The following FBXL2 variants were observed in gnomAD, a reference collection of about 807,000 sequenced individuals.
FBXL2 encodes the protein F-box/LRR-repeat protein 2.
A neutral mutation model predicts 69.2 loss-of-function variants in FBXL2; 38 were observed. The ratio of observed to expected loss-of-function variants is 0.55; its 90% confidence interval spans 0.42 to 0.72. The LOEUF is 0.72. Ranked by LOEUF, FBXL2 falls within the 30% of genes least tolerant of loss-of-function variation. The pLI, the probability that FBXL2 is intolerant of heterozygous loss-of-function variation, is 0.00. For missense variants in FBXL2, 354 were observed against 520.3 expected, an observed-to-expected ratio of 0.68 and a Z score of 3.11; for synonymous variants, 192 against 201.3, an observed-to-expected ratio of 0.95 and a Z score of 0.39.
chr3:33,308,361 T>C (rs912898119), intron 2 of FBXL2, among the ~76,000 whole-genome samples: 1 of 152,206 alleles, frequency 6.6e-6, no homozygotes, highest in African/African-American at 2.4e-5. Context: ...GACTGGTTAT[T>C]ATTTCTAGGC....
intron 2 of FBXL2, among the ~76,000 whole-genome samples, chr3:33,351,238 CT>C (rs2040809873): frequency 1.3e-5 from 2 of 152,064 alleles, no homozygotes; most frequent in Non-Finnish European, 2.9e-5. Context: ...GCACTCCAGC[CT>C]GGGTAACAGA....
the FBXL2 span, among the ~76,000 whole-genome samples, chr3:33,421,430 G>T: frequency 6.6e-6 from 1 of 152,088 alleles, no homozygotes; most frequent in African/African-American, 2.4e-5. Flanking sequence ...GCGCCACCAT[G>T]CTCAGCTACT....
intron 12 of FBXL2, among the ~76,000 whole-genome samples, chr3:33,395,731 A>G (rs2043954301): frequency 7.2e-6 from 1 of 139,472 alleles, no homozygotes. Context: ...AGTTCTCCCC[A>G]TACCTAGTCA....
chr3:33,381,815 G>A (rs2043085390), intron 13 of FBXL2, among the ~76,000 whole-genome samples: 1 of 152,010 alleles, frequency 6.6e-6, no homozygotes, highest in Non-Finnish European at 1.5e-5. Context: ...AAAAACCAAT[G>A]AACAGCATTG....
In FBXL2 at chr3:33,377,250, C is replaced by T. The variant is rs201270115; in HGVS notation, c.789-23C>T. The T allele has an allele frequency of 6.0e-5, 96 of 1,610,916 alleles. No homozygotes were observed. The African/African-American group carries it at 1.1e-3, about 18-fold the overall frequency. On this transcript the variant is annotated intron_variant, in intron 10 of 14. Transcript: ENST00000484457. Reference sequence around the variant, plus strand: ...ATTAACTAGTTGGTACCGTTTTCTCCCCTGTACCCACTTTCTCCTCAGAAT... The same window carrying T: ...ATTAACTAGTTGGTACCGTTTTCTCTCCTGTACCCACTTTCTCCTCAGAAT...
intron 2 of FBXL2, among the ~76,000 whole-genome samples, chr3:33,341,942 T>G (rs1449013310): frequency 6.6e-6 from 1 of 151,644 alleles, no homozygotes; most frequent in Non-Finnish European, 1.5e-5. Context: ...ATGTTTGCCT[T>G]ATAAGTCATT....
chr3:33,342,801 C>T (rs1349298312), intron 2 of FBXL2, among the ~76,000 whole-genome samples: 1 of 127,398 alleles, frequency 7.8e-6, no homozygotes, highest in African/African-American at 2.9e-5. Flanking sequence ...TCTCGGCTCA[C>T]TGCAAGCTCC....
chr3:33,333,810 G>A (rs571425523), intron 2 of FBXL2, among the ~76,000 whole-genome samples: 7 of 152,134 alleles, frequency 4.6e-5, no homozygotes, highest in Non-Finnish European at 1.0e-4. Context: ...AAATCGTCTA[G>A]TTCTTCACAT....
chr3:33,360,222 T>G lies in FBXL2; in HGVS notation c.195+865T>G, dbSNP rs934729139. On this transcript the variant is annotated intron_variant, in intron 4 of 14. Coordinates refer to ENST00000484457, the MANE Select transcript of FBXL2 (RefSeq NM_012157.5). ...TACCAAGATGTATATATTGGTTTTT[T>G]TTTGTTTGTTTTGGATAAGGAAATG... Among the ~76,000 whole-genome samples, 4 of 152,200 alleles carry G rather than the reference T, an allele frequency of 2.6e-5. No individual in the cohort carries two copies. In the East Asian group the frequency reaches 7.7e-4, roughly 29 times the overall value.
At chr3:33,385,367 TA>T in intron 14 of FBXL2, 133 bp from the exon 15 acceptor site, 1 of 829,646 alleles carries the variant, frequency 1.2e-6, no homozygotes, top group Admixed American at 1.8e-5. Flanking sequence ...GGAGTAGCTC[TA>T]ATCTATAGCA....
chr3:33,289,530 CAA>C (rs1018865210), intron 1 of FBXL2: 22 of 151,176 alleles, frequency 1.5e-4, no homozygotes, highest in Admixed American at 1.3e-4. Flanking sequence ...TGAGCCTTCT[CAA>C]GAGAAAAAAA....
chr3:33,378,579 GT>G, intron 12 of FBXL2, 105 bp from the exon 13 acceptor site: 1 of 1,200,772 alleles, frequency 8.3e-7, no homozygotes, highest in Non-Finnish European at 1.2e-6. Flanking sequence ...TTTGAGATGA[GT>G]TTTTAATTCT....
At chr3:33,287,497 C>T (rs6774095) in intron 1 of FBXL2, among the ~76,000 whole-genome samples, 22,948 of 151,916 alleles carry the variant, frequency 0.15, 1,933 homozygotes, top group African/African-American at 0.21. Flanking sequence ...ATTAATTTTT[C>T]TGGAGACAGG....
intron 2 of FBXL2, among the ~76,000 whole-genome samples, chr3:33,340,862 C>G (rs1432783741): frequency 7.0e-6 from 1 of 142,802 alleles, no homozygotes; most frequent in Non-Finnish European, 1.5e-5. Context: ...CCACTGCACT[C>G]CAGCCTAGGT....
intron 13 of FBXL2, among the ~76,000 whole-genome samples, chr3:33,380,482 TG>T (rs2042970101): frequency 1.4e-5 from 2 of 145,928 alleles, no homozygotes; most frequent in African/African-American, 5.2e-5. Flanking sequence ...TGCTTGAAAC[TG>T]GGAGGGGGAG....
At chr3:33,411,532 GACCTAAA>G in the FBXL2 span, 2 of 1,491,038 alleles carry the variant, frequency 1.3e-6, no homozygotes, top group South Asian at 2.3e-5. Context: ...ATCCTACCAT[GACCTAAA>G]TAACTAGGTT....
At chr3:33,380,362 G>A (rs2042958639) in intron 13 of FBXL2, among the ~76,000 whole-genome samples, 1 of 151,842 alleles carries the variant, frequency 6.6e-6, no homozygotes. Flanking sequence ...TTCGAGACCA[G>A]CCTAACCAAC....
chr3:33,395,750 GAAAAAAAAAAAA>G lies in FBXL2; in HGVS notation n.1215-7472_1215-7461del, dbSNP rs61654235. Among the ~76,000 whole-genome samples the G allele has an allele frequency of 1.0e-4, 7 of 69,778 alleles. No individual in the cohort carries two copies. In the South Asian group the frequency reaches 1.6e-3, roughly 16 times the overall value. 45.8% of individuals were successfully genotyped at this position (69,778 alleles called of 152,430 possible). ...CTCCCCATACCTAGTCAGGAAAATT[GAAAAAAAAAAAA>G]AAAAAAAAAAAGAAAAAGGAAAGAA... On this transcript the variant is annotated intron_variant and non_coding_transcript_variant, in intron 12 of 12. Coordinates refer to the FBXL2 transcript ENST00000463736.
Position 33,375,396 on chromosome 3 carries a change from G to C in FBXL2, c.766G>C (p.Gly256Arg). Residue 256 changes from glycine (G) to arginine (R), a missense_variant, in exon 10 of 15, where the codon GGT becomes CGT. Gly to Arg is a moderately radical substitution (Grantham distance 125). Coordinates refer to ENST00000484457, the MANE Select transcript of FBXL2 (RefSeq NM_012157.5). ...CACAGATGCCTCTCTTACAGCCCTG[G>C]GTTTGAACTGTCCGCGACTGCAGTG... ...NLTDASLTAL[G>R]LNCPRLQILE... The C allele has an allele frequency of 6.2e-7, 1 of 1,614,150 alleles. No individual in the cohort carries two copies. Among genetic ancestry groups the C allele is most frequent in the Non-Finnish European group, 8.5e-7 (1 of 1,180,014 alleles).
Sources: gnomAD v4.1 joint callset for allele counts (sites outside exome capture counted in the v4.1 genomes callset) on GRCh38, gnomAD v4.1.1 for gene constraint, MANE v1.5 for transcripts, NCBI Gene and HGNC (gene_info 2026-07-23, HGNC 2026-07-21) for gene names.